The following NSD1 variants were observed in gnomAD, a reference collection of about 807,000 sequenced individuals.
NSD1 encodes histone-lysine N-methyltransferase, H3 lysine-36 specific.
NSD1 carries 26 observed loss-of-function variants against 242.7 expected under a neutral mutation model. That is an observed-to-expected ratio of 0.11 (90% CI 0.08 to 0.15). The LOEUF (loss-of-function observed/expected upper bound fraction) is 0.15, where lower values mean the gene tolerates loss of function less well. Ranked by LOEUF, NSD1 falls within the 10% of genes least tolerant of loss-of-function variation. The pLI is 1.00. For synonymous variants in NSD1, 1,106 were observed against 1,178.1 expected, an observed-to-expected ratio of 0.94 and a Z score of 1.25; for missense variants, 2,495 against 3,272.8, an observed-to-expected ratio of 0.76 and a Z score of 5.80.
chr5:177,173,566 T>C (rs139720405), intron 2 of NSD1, among the ~76,000 whole-genome samples: 3,798 of 147,532 alleles, frequency 0.026, 48 homozygotes, highest in African/African-American at 0.029. Context: ...CTCTGCCTTC[T>C]GGGTTCAAGC....
chr5:177,246,735 C>A lies in NSD1; in HGVS notation c.4436C>A (p.Ala1479Asp). The A allele has an allele frequency of 6.2e-7, 1 of 1,614,090 alleles. No homozygotes were observed. The highest frequency in any genetic ancestry group is 8.5e-7 in the Non-Finnish European group (1 of 1,179,992). The change falls in exon 10 of 23, where the codon GCC becomes GAC. Residue 1479 changes from alanine (A) to aspartate (D), a missense_variant. This residue lies in a region of NSD1 where 97 missense variants were observed against 97.7 expected (regional missense o/e 0.99). Coordinates refer to ENST00000439151, the MANE Select transcript of NSD1 (RefSeq NM_022455.5). ...CGAAAACGACAGAGGCATGCTGCAG[C>A]CAAGATGCAGTGTAAAAAAGTGAAA... ...RKRKRQRHAAAKMQCKKVKND... is the reference protein window; with the variant it reads ...RKRKRQRHAADKMQCKKVKND...
intron 2 of NSD1, among the ~76,000 whole-genome samples, chr5:177,178,555 A>G (rs1285486868): frequency 6.6e-6 from 1 of 152,100 alleles, no homozygotes; most frequent in African/African-American, 2.4e-5. Flanking sequence ...ATTTATAAGG[A>G]TTAAGAAAAA....
chr5:177,209,894 G>A lies in NSD1; in HGVS notation c.1495G>A (p.Ala499Thr), dbSNP rs587784075. Residue 499 changes from alanine to threonine, a missense_variant, in exon 5 of 23, where the codon GCC (alanine) becomes ACC (threonine). Ala to Thr is a moderately conservative substitution (Grantham distance 58). Around this residue, in one of 19 missense-constraint regions of NSD1, gnomAD observed 515 missense variants for 467.0 expected, o/e 1.10. Coordinates refer to ENST00000439151, the MANE Select transcript of NSD1 (RefSeq NM_022455.5). ...EKEKPCAKSR[A>T]RKSSDNPKRT... is the part of the protein sequence containing the mutation. ...GGAAAAGCCTTGCGCTAAATCTCGA[G>A]CCAGAAAGAGCTCTGATAATCCAAA... is the stretch of plus-strand genomic sequence containing the variant. 6.2e-6 allele frequency: 10 copies of A among 1,614,014 alleles called. No homozygotes were observed. The Admixed American group carries it at 1.7e-4, about 27-fold the overall frequency.
chr5:177,227,532 C>T (rs1581379209), intron 5 of NSD1, among the ~76,000 whole-genome samples: 1 of 151,954 alleles, frequency 6.6e-6, no homozygotes, highest in African/African-American at 2.4e-5. Flanking sequence ...CTGCAACCTC[C>T]GCCTCCCGGG....
chr5:177,264,476 T>C (rs919868299), intron 14 of NSD1, among the ~76,000 whole-genome samples: 11 of 152,336 alleles, frequency 7.2e-5, no homozygotes, highest in African/African-American at 2.6e-4. Flanking sequence ...AGGCCATACT[T>C]TCTTCACGTA....
At chr5:177,153,453 A>G (rs938822322) in intron 2 of NSD1, among the ~76,000 whole-genome samples, 1 of 151,932 alleles carries the variant, frequency 6.6e-6, no homozygotes, top group African/African-American at 2.4e-5. Context: ...AGTTTTATTG[A>G]TGAAAATGAT....
rs1387855278 is a variant in NSD1, at chr5:177,210,295, A to C, written c.1896A>C (p.Arg632=). Reference sequence around the variant, plus strand: ...TTGGAGCAGGTGATGAGGAAAAGCGAAGTGATTCCATTAGTATCTGTACCA... The same window carrying C: ...TTGGAGCAGGTGATGAGGAAAAGCGCAGTGATTCCATTAGTATCTGTACCA... ...CYIGAGDEEK[R]SDSISICTTS... The change falls in exon 5 of 23, where the codon CGA becomes CGC. Residue 632 remains arginine, a synonymous_variant. Transcript: ENST00000439151. The C allele has an allele frequency of 1.2e-6, 2 of 1,610,774 alleles. No individual in the cohort carries two copies. Among genetic ancestry groups the C allele is most frequent in the Non-Finnish European group, 1.7e-6 (2 of 1,178,136 alleles).
chr5:177,247,586 C>T (rs1393636630), intron 10 of NSD1, among the ~76,000 whole-genome samples: 7 of 148,212 alleles, frequency 4.7e-5, no homozygotes, highest in South Asian at 2.1e-4. Flanking sequence ...AAAAAAAAAT[C>T]GAGACTGCTG....
At position 177,295,023 on chromosome 5, in the gene NSD1, C is replaced by A; in HGVS notation, c.7655C>A (p.Thr2552Lys). 6.2e-7 allele frequency: 1 copy of A among 1,614,240 alleles called. No individual in the cohort carries two copies. Among genetic ancestry groups the A allele is most frequent in the Non-Finnish European group, 8.5e-7 (1 of 1,180,044 alleles). The change falls in exon 23 of 23, where the codon ACA (threonine) becomes AAA (lysine). Residue 2552 changes from threonine to lysine, a missense_variant. This residue lies in a region of NSD1 where 475 missense variants were observed against 563.7 expected (regional missense o/e 0.84). Transcript: ENST00000439151. This position sits in a 1 kb window ranked among gnomAD's most constrained non-coding sequence, Gnocchi z 4.3. ...GCCAAGGCCTTTTTATATGAGCCAA[C>A]AACTCAGGCCTCAGGAAGAGCTTCT... Reference protein sequence around the residue: ...PPAKAFLYEPTTQASGRASAG... With the variant: ...PPAKAFLYEPKTQASGRASAG...
chr5:177,255,314 A>AT (rs1390515535), intron 12 of NSD1, among the ~76,000 whole-genome samples: 1 of 152,166 alleles, frequency 6.6e-6, no homozygotes, highest in Non-Finnish European at 1.5e-5. Flanking sequence ...CAAAAAAAAA[A>AT]AAAAGTTACC....
At chr5:177,217,499 G>A (rs1471463526) in intron 5 of NSD1, among the ~76,000 whole-genome samples, 2 of 152,028 alleles carry the variant, frequency 1.3e-5, no homozygotes, top group African/African-American at 2.4e-5. Flanking sequence ...ATAATGTGTT[G>A]AATAGGTTGC....
At position 177,297,723 on chromosome 5, in the gene NSD1, A is replaced by G. The variant is rs957294598; in HGVS notation, c.*2264A>G. 2 of 232,814 alleles carry G rather than the reference A, an allele frequency of 8.6e-6. No homozygotes were observed. The highest frequency in any genetic ancestry group is 8.5e-6 in the Non-Finnish European group (1 of 117,868). The allele number at this position is 232,814 out of a possible 1,614,324, so 14.4% of individuals were successfully genotyped here. On this transcript the variant is annotated 3_prime_UTR_variant, in exon 23 of 23. Transcript: ENST00000439151. ...TTTTCCGTGGAGAAGTTTGATTCTA[A>G]AGTAGCTTCTCTAAAGTAGGCTTTG...
intron 20 of NSD1, among the ~76,000 whole-genome samples, chr5:177,285,281 T>A (rs144564194): frequency 6.6e-6 from 1 of 152,182 alleles, no homozygotes; most frequent in African/African-American, 2.4e-5. Flanking sequence ...TTAAAATTTG[T>A]GGCTGGGCGC....
intron 13 of NSD1, among the ~76,000 whole-genome samples, chr5:177,257,362 C>T (rs2149913348): frequency 6.6e-6 from 1 of 151,742 alleles, no homozygotes; most frequent in South Asian, 2.1e-4. Context: ...TCCTGAGTAG[C>T]TGGGACTACA....
At chr5:177,184,398 T>G (rs1760930956) in intron 2 of NSD1, among the ~76,000 whole-genome samples, 1 of 152,220 alleles carries the variant, frequency 6.6e-6, no homozygotes, top group Admixed American at 6.5e-5. Context: ...TATTCTTGTT[T>G]GCCATTCGTA....
chr5:177,201,270 C>T lies in NSD1; in HGVS notation c.1064-2850C>T, dbSNP rs192907020. Among the ~76,000 whole-genome samples the T allele has an allele frequency of 4.6e-3, 692 of 151,988 alleles. 7 individuals carry two copies. The highest frequency in any genetic ancestry group is 0.016 in the African/African-American group (655 of 41,436). On this transcript the variant is annotated intron_variant, in intron 3 of 22. Coordinates refer to ENST00000439151, the MANE Select transcript of NSD1 (RefSeq NM_022455.5). ...TGTCTCCCAGGCTGGAGTGCAGTAGCGGGATCTTGGCTCACTGCAACCTCT... is the reference window on the plus strand; with the variant it reads ...TGTCTCCCAGGCTGGAGTGCAGTAGTGGGATCTTGGCTCACTGCAACCTCT...
At chr5:177,216,610 G>T (rs1335575367) in intron 5 of NSD1, among the ~76,000 whole-genome samples, 1 of 150,474 alleles carries the variant, frequency 6.6e-6, no homozygotes, top group African/African-American at 2.4e-5. Context: ...CCATTGTGTA[G>T]TCTTGGCACT....
At chr5:177,151,639 T>A (rs1022970888) in intron 2 of NSD1, among the ~76,000 whole-genome samples, 1 of 151,694 alleles carries the variant, frequency 6.6e-6, no homozygotes, top group Non-Finnish European at 1.5e-5. Flanking sequence ...TCTGCCCGCC[T>A]CGGCTTCCCA....
At chr5:177,242,536 T>C (rs1358356541) in intron 8 of NSD1, among the ~76,000 whole-genome samples, 1 of 151,728 alleles carries the variant, frequency 6.6e-6, no homozygotes, top group Non-Finnish European at 1.5e-5. Context: ...TTTATTTATT[T>C]ATTTATTTGA....
Sources: allele counts gnomAD v4.1 joint callset (sites outside exome capture counted in the v4.1 genomes callset), GRCh38; gene constraint gnomAD v4.1.1; regional missense constraint gnomAD v4.1.1; non-coding constraint Gnocchi (gnomAD v3.1); transcripts MANE v1.5; gene names NCBI Gene and HGNC (gene_info 2026-07-23, HGNC 2026-07-21).